The following STK38 variants were observed in gnomAD, a reference collection of about 807,000 sequenced individuals.
The protein encoded by STK38 is serine/threonine-protein kinase 38.
STK38 carries 26 observed loss-of-function variants against 59.0 expected under a neutral mutation model. The ratio of observed to expected loss-of-function variants is 0.44; its 90% CI spans 0.32 to 0.61. STK38 has a LOEUF of 0.61. Ranked by LOEUF, STK38 falls within the 20% of genes least tolerant of loss-of-function variation. The pLI is 0.04. For missense variants in STK38, 433 were observed against 566.0 expected, an observed-to-expected ratio of 0.76 and a Z score of 2.38; for synonymous variants, 175 against 176.6, an observed-to-expected ratio of 0.99 and a Z score of 0.07.
At chr6:36,516,490 GAAC>G (rs780398081) in intron 6 of STK38, among the ~76,000 whole-genome samples, 1 of 152,164 alleles carries the variant, frequency 6.6e-6, no homozygotes, top group African/African-American at 2.4e-5. Flanking sequence ...ATTTCATTTA[GAAC>G]ATTATGTTTT....
intron 1 of STK38, among the ~76,000 whole-genome samples, chr6:36,540,624 A>G (rs963223679): frequency 2.0e-5 from 3 of 152,100 alleles, no homozygotes; most frequent in Non-Finnish European, 4.4e-5. Context: ...TCACACAAAT[A>G]TATCTTTTTT....
chr6:36,543,727 C>T lies in STK38; in HGVS notation c.-6+3463G>A, dbSNP rs533324159. ...CACAATCTCGGTGCACTGCAACCTC[C>T]GCCTCCTGGGTTCAAGCGATTCTCC... On this transcript the variant is annotated intron_variant, in intron 1 of 13. Coordinates refer to ENST00000229812, the MANE Select transcript of STK38 (RefSeq NM_007271.4). Among the ~76,000 whole-genome samples the T allele has an allele frequency of 8.5e-5, 13 of 152,188 alleles. 1 individual carries two copies. The South Asian group carries it at 2.3e-3, about 27-fold the overall frequency.
At chr6:36,540,688 A>G (rs1777913577) in intron 1 of STK38, among the ~76,000 whole-genome samples, 1 of 147,666 alleles carries the variant, frequency 6.8e-6, no homozygotes, top group Non-Finnish European at 1.5e-5. Context: ...GTGCGACAGG[A>G]TGATCTTGGC....
At chr6:36,515,246 C>A in intron 7 of STK38, 92 bp downstream of exon 7, 1 of 1,443,582 alleles carries the variant, frequency 6.9e-7, no homozygotes, top group Non-Finnish European at 9.3e-7. Flanking sequence ...TCACAGCTCG[C>A]CCACTGGGAT....
intron 7 of STK38, among the ~76,000 whole-genome samples, chr6:36,512,102 C>CT (rs1384018488): frequency 2.0e-5 from 3 of 152,070 alleles, no homozygotes; most frequent in Non-Finnish European, 2.9e-5. Context: ...GAAAGTAAAA[C>CT]TTTTTAAAAG....
chr6:36,544,585 C>A (rs1490773090), intron 1 of STK38, among the ~76,000 whole-genome samples: 2 of 152,156 alleles, frequency 1.3e-5, no homozygotes, highest in Admixed American at 1.3e-4. Flanking sequence ...ATTACTTCAA[C>A]ATAAAAATGT....
At position 36,521,804 on chromosome 6, in the gene STK38, T is replaced by C. The variant is rs771763533; in HGVS notation, c.320A>G (p.Gln107Arg). 6.2e-7 allele frequency: 1 copy of C among 1,610,264 alleles called. No individual in the cohort carries two copies. Among genetic ancestry groups the C allele is most frequent in the Non-Finnish European group, 8.5e-7 (1 of 1,179,284 alleles). The part of the protein sequence containing the change: ...RGAFGEVRLV[Q>R]KKDTGHVYAM... The stretch of plus-strand genomic sequence containing the variant: ...ATACACATGTCCCGTATCTTTCTTC[T>C]GAACAAGCCGTACCTAAAAAGTTAT... Residue 107 changes from glutamine (Q) to arginine (R), a missense_variant, in exon 5 of 14, where the codon CAG (glutamine) becomes CGG (arginine). By Grantham distance (43) the Gln-to-Arg change is conservative (BLOSUM62 1). This residue lies in a region of STK38 where 293 missense variants were observed against 388.2 expected (regional missense o/e 0.75). Coordinates refer to ENST00000229812, the MANE Select transcript of STK38 (RefSeq NM_007271.4).
chr6:36,499,697 C>A (rs1420713862), intron 10 of STK38, among the ~76,000 whole-genome samples, 176 bp downstream of exon 10: 1 of 152,068 alleles, frequency 6.6e-6, no homozygotes, highest in Admixed American at 6.5e-5. Flanking sequence ...CCAGTAAGCC[C>A]AAGAATGGAG....
intron 7 of STK38, 52 bp from the exon 8 acceptor site, chr6:36,507,654 C>T: frequency 7.3e-7 from 1 of 1,370,012 alleles, no homozygotes; most frequent in Admixed American, 1.7e-5. Flanking sequence ...GGAGGTAGAA[C>T]AGAACATTAC....
intron 2 of STK38, among the ~76,000 whole-genome samples, chr6:36,527,207 A>AAAAAAAAAAAAAAAAAT (rs60162863): frequency 8.4e-6 from 1 of 119,356 alleles, no homozygotes. Flanking sequence ...AAAAAAAAAA[A>AAAAAAAAAAAAAAAAAT]ATATATGTAT....
chr6:36,524,796 T>C (rs1199334504), intron 3 of STK38, among the ~76,000 whole-genome samples: 2 of 152,174 alleles, frequency 1.3e-5, no homozygotes, highest in Non-Finnish European at 2.9e-5. Context: ...TAATATAAAT[T>C]AAAAATGTGT....
At chr6:36,501,801 G>A (rs1031314465) in intron 9 of STK38, among the ~76,000 whole-genome samples, 16 of 152,114 alleles carry the variant, frequency 1.1e-4, no homozygotes, top group Non-Finnish European at 1.8e-4. Context: ...ATGCTATACT[G>A]TTATATAAAT....
intron 9 of STK38, among the ~76,000 whole-genome samples, chr6:36,505,331 G>T (rs1020712267): frequency 3.9e-5 from 6 of 152,194 alleles, no homozygotes; most frequent in Admixed American, 3.3e-4. Flanking sequence ...GAATTCAGAA[G>T]TTTAAAGAGT....
At chr6:36,507,648 G>T in intron 7 of STK38, 46 bp from the exon 8 acceptor site, 1 of 1,442,390 alleles carries the variant, frequency 6.9e-7, no homozygotes, top group Non-Finnish European at 9.8e-7. Context: ...ATTCTTGGAG[G>T]TAGAACAGAA....
At chr6:36,498,188 T>C (rs990590233) in intron 11 of STK38, among the ~76,000 whole-genome samples, 175 bp downstream of exon 11, 3 of 152,148 alleles carry the variant, frequency 2.0e-5, no homozygotes, top group Admixed American at 2.0e-4. Context: ...TGCCTCAGCC[T>C]CCCAAAGTGC....
At chr6:36,506,555 C>A (rs1209568310) in intron 9 of STK38, 28 bp downstream of exon 9, 6 of 1,603,922 alleles carry the variant, frequency 3.7e-6, no homozygotes, top group African/African-American at 1.3e-5. Flanking sequence ...TGGTTTGTAG[C>A]ATTTCAGAAG....
chr6:36,535,023 AAAC>A (rs1219791781), intron 2 of STK38, among the ~76,000 whole-genome samples: 9 of 152,226 alleles, frequency 5.9e-5, no homozygotes, highest in Non-Finnish European at 1.3e-4. Context: ...TATTAGCAGC[AAAC>A]AACTGGACAG....
chr6:36,517,104 TTC>T (rs1258582724), intron 6 of STK38, among the ~76,000 whole-genome samples: 1 of 141,838 alleles, frequency 7.1e-6, no homozygotes, highest in East Asian at 2.3e-4. Context: ...AAGAAAAAAG[TTC>T]TCTCTCTTTT....
chr6:36,495,890 G>C lies in STK38; in HGVS notation c.1292C>G (p.Thr431Ser). ...PTVATSNHPE[T>S]DYKNKDWVFI... ...GACCCAGTCTTTGTTCTTGTAGTCA[G>C]TCTCAGGATGATTACTTGTGGCCAC... The change falls in exon 14 of 14, where the codon ACT (threonine) becomes AGT (serine). Residue 431 changes from threonine (T) to serine (S), a missense_variant. Thr to Ser is a moderately conservative substitution (Grantham distance 58). This residue lies in a region of STK38 where 136 missense variants were observed against 156.7 expected (regional missense o/e 0.87). Transcript: ENST00000229812. 7 of 1,614,046 alleles carry C rather than the reference G, an allele frequency of 4.3e-6. No homozygotes were observed. The highest frequency in any genetic ancestry group is 5.9e-6 in the Non-Finnish European group (7 of 1,179,974).
Sources: gnomAD v4.1 joint callset for allele counts (sites outside exome capture counted in the v4.1 genomes callset) on GRCh38, gnomAD v4.1.1 for gene constraint, gnomAD v4.1.1 regional missense constraint, MANE v1.5 for transcripts, NCBI Gene and HGNC (gene_info 2026-07-23, HGNC 2026-07-21) for gene names.